The following CCDC91 variants were observed in gnomAD, a reference collection of about 807,000 sequenced individuals.
CCDC91 encodes coiled-coil domain containing 91.
CCDC91 carries 48 observed loss-of-function variants against 63.2 expected under a neutral mutation model. The ratio of observed to expected loss-of-function variants is 0.76; its 90% CI spans 0.60 to 0.97. CCDC91 has a LOEUF of 0.97. Among genes scored for constraint, CCDC91 ranks in the 50% least tolerant of loss-of-function variants. The probability of loss-of-function intolerance (pLI) is 0.00; values close to 1 mark genes in which losing one functional copy is unlikely to be tolerated. For missense variants in CCDC91, 500 were observed against 494.6 expected, an observed-to-expected ratio of 1.01 and a Z score of -0.10; for synonymous variants, 167 against 165.8, an observed-to-expected ratio of 1.01 and a Z score of -0.06.
intron 12 of CCDC91, among the ~76,000 whole-genome samples, chr12:28,542,022 T>C (rs1355389333): frequency 6.6e-6 from 1 of 152,156 alleles, no homozygotes; most frequent in Non-Finnish European, 1.5e-5. Context: ...TTAAGTTGTT[T>C]TGGAAATTTT....
intron 4 of CCDC91, 65 bp downstream of exon 4, chr12:28,305,871 T>C (rs1426242498): frequency 2.9e-6 from 4 of 1,370,824 alleles, no homozygotes; most frequent in Admixed American, 2.1e-5. Context: ...AATTTAATTG[T>C]TGCTTTTTTA....
intron 12 of CCDC91, chr12:28,505,297 C>G (rs1025203956): frequency 9.9e-5 from 15 of 151,836 alleles, no homozygotes; most frequent in African/African-American, 3.4e-4. Context: ...CTGGCTTCTT[C>G]TTATTGCTAC....
chr12:28,292,779 ATAGAG>A (rs2136828282), intron 3 of CCDC91, among the ~76,000 whole-genome samples: 1 of 152,316 alleles, frequency 6.6e-6, no homozygotes, highest in Admixed American at 6.5e-5. Flanking sequence ...TAATACTTAA[ATAGAG>A]TACTCTATTT....
At chr12:28,350,035 C>G (rs945818515) in intron 6 of CCDC91, among the ~76,000 whole-genome samples, 2 of 152,190 alleles carry the variant, frequency 1.3e-5, no homozygotes, top group African/African-American at 4.8e-5. Context: ...ACTTTTCACA[C>G]TGCTTCTTTA....
intron 7 of CCDC91, among the ~76,000 whole-genome samples, chr12:28,365,488 A>G (rs142691924): frequency 4.9e-4 from 75 of 152,366 alleles, no homozygotes; most frequent in African/African-American, 1.5e-3. Flanking sequence ...ACTGTAGTAT[A>G]TGAAAATTTG....
intron 7 of CCDC91, among the ~76,000 whole-genome samples, chr12:28,388,730 G>A (rs1945758650): frequency 6.6e-6 from 1 of 152,118 alleles, no homozygotes; most frequent in Non-Finnish European, 1.5e-5. Flanking sequence ...ACCACCTTTG[G>A]AGAAAGCAAA....
chr12:28,254,789 T>A (rs1946336173), intron 1 of CCDC91, among the ~76,000 whole-genome samples: 2 of 151,166 alleles, frequency 1.3e-5, no homozygotes, highest in Non-Finnish European at 3.0e-5. Context: ...TTTTTTTTTT[T>A]TGATGGAGTT....
chr12:28,346,483 G>A (rs1250664467), intron 6 of CCDC91, among the ~76,000 whole-genome samples: 9 of 152,198 alleles, frequency 5.9e-5, no homozygotes, highest in East Asian at 1.9e-4. Context: ...GAGTTTCTGG[G>A]CCTATATTTG....
In CCDC91 at chr12:28,464,583, A is replaced by G. The variant is rs76713889; in HGVS notation, c.1101+11929A>G. On this transcript the variant is annotated intron_variant, in intron 11 of 12. Transcript: ENST00000536442. Reference sequence around the variant, plus strand: ...GCTCCTGGGCGACATTTCTAGACATATCTTAGGCCAGAAGGGAACCTGCTG... The same window carrying G: ...GCTCCTGGGCGACATTTCTAGACATGTCTTAGGCCAGAAGGGAACCTGCTG... 9.7e-3 allele frequency among the ~76,000 whole-genome samples: 1,471 copies of G among 152,236 alleles called. 11 individuals are homozygous for G. Among genetic ancestry groups the G allele is most frequent in the Non-Finnish European group, 0.014 (971 of 68,004 alleles).
chr12:28,298,376 T>C (rs1949682041), intron 3 of CCDC91, among the ~76,000 whole-genome samples: 1 of 141,908 alleles, frequency 7.0e-6, no homozygotes, highest in African/African-American at 2.5e-5. Context: ...TTTTTTTTTT[T>C]TCCCCCCACA....
chr12:28,544,160 G>A (rs1942825839), intron 12 of CCDC91, among the ~76,000 whole-genome samples: 1 of 151,656 alleles, frequency 6.6e-6, no homozygotes, highest in African/African-American at 2.4e-5. Context: ...TTTATGCTCT[G>A]GCCTCCATCT....
rs1358906505 is a variant in CCDC91 at position 28,546,667 on chromosome 12, A to C, written c.1216-2396A>C. On this transcript the variant is annotated intron_variant, in intron 12 of 12. Coordinates refer to ENST00000536442, the MANE Select transcript of CCDC91 (RefSeq NM_018318.5). Reference sequence around the variant, plus strand: ...TTATGAACAATCTTAATGTCTGTGAATATAATGCTTTAGAATATTAAAATA... The same window carrying C: ...TTATGAACAATCTTAATGTCTGTGACTATAATGCTTTAGAATATTAAAATA... 3.3e-5 allele frequency among the ~76,000 whole-genome samples: 5 copies of C among 152,140 alleles called. No homozygotes were observed. In the East Asian group the frequency reaches 9.6e-4, roughly 29 times the overall value.
At chr12:28,501,431 T>C (rs1435090321) in intron 12 of CCDC91, among the ~76,000 whole-genome samples, 1 of 152,032 alleles carries the variant, frequency 6.6e-6, no homozygotes, top group Admixed American at 6.6e-5. Flanking sequence ...TGTTGAATTT[T>C]GTCAAAGGCC....
intron 7 of CCDC91, among the ~76,000 whole-genome samples, chr12:28,372,481 T>C (rs1458125733): frequency 6.6e-6 from 1 of 152,188 alleles, no homozygotes; most frequent in Non-Finnish European, 1.5e-5. Context: ...TTCTCATTTG[T>C]TTGTGTCATT....
intron 11 of CCDC91, among the ~76,000 whole-genome samples, chr12:28,455,141 A>G (rs1392202361): frequency 8.6e-6 from 1 of 115,832 alleles, no homozygotes; most frequent in East Asian, 2.1e-4. Flanking sequence ...ATAGGCATGT[A>G]GAAAACATGC....
intron 2 of CCDC91, among the ~76,000 whole-genome samples, chr12:28,258,942 G>A (rs1946638535): frequency 6.6e-6 from 1 of 151,854 alleles, no homozygotes; most frequent in Non-Finnish European, 1.5e-5. Context: ...CTATTTCTTT[G>A]AATTAATCTC....
Position 28,306,768 on chromosome 12 carries a change from G to T in CCDC91, c.294G>T (p.Leu98=). 1.2e-6 allele frequency: 2 copies of T among 1,610,816 alleles called. No homozygotes were observed. The highest frequency in any genetic ancestry group is 1.7e-6 in the Non-Finnish European group (2 of 1,178,080). The change falls in exon 5 of 13, where the codon CTG becomes CTT. Residue 98 remains leucine, a synonymous_variant. Coordinates refer to ENST00000536442, the MANE Select transcript of CCDC91 (RefSeq NM_018318.5). ...AQIQQSTHTH[L]DISLFPLGLT... ...TTCAGCAATCAACACACACTCATCT[G>T]GATATCTCACTTTTTCCATTGGGTT...
chr12:28,543,482 GCGATGGGGAAGGGA>G (rs1942776666), intron 12 of CCDC91, among the ~76,000 whole-genome samples: 1 of 152,014 alleles, frequency 6.6e-6, no homozygotes, highest in African/African-American at 2.4e-5. Flanking sequence ...GCAGAAAAGA[GCGATGGGGAAGGGA>G]CTTTACTGGC....
At chr12:28,237,414 T>A (rs1302923310) in intron 1 of CCDC91, among the ~76,000 whole-genome samples, 1 of 152,170 alleles carries the variant, frequency 6.6e-6, no homozygotes, top group Non-Finnish European at 1.5e-5. Context: ...TTCTAGATTA[T>A]CTGTGCGGGT....
Sources: allele counts gnomAD v4.1 joint callset (sites outside exome capture counted in the v4.1 genomes callset), GRCh38; gene constraint gnomAD v4.1.1; transcripts MANE v1.5; gene names NCBI Gene and HGNC (gene_info 2026-07-23, HGNC 2026-07-21).